MPHOSPH9: variants seen among roughly 807,000 people sequenced by gnomAD.
The protein encoded by MPHOSPH9 is M-phase phosphoprotein 9.
A neutral mutation model predicts 145.5 loss-of-function variants in MPHOSPH9; 88 were observed. The observed-to-expected ratio is 0.60, with a 90% CI of 0.51 to 0.72. The LOEUF (loss-of-function observed/expected upper bound fraction) is 0.72. MPHOSPH9 is among the 30% of genes least tolerant of loss of function. The probability of loss-of-function intolerance (pLI) is 0.00; values close to 1 mark genes in which losing one functional copy is unlikely to be tolerated. For synonymous variants in MPHOSPH9, 435 were observed against 486.2 expected, an observed-to-expected ratio of 0.89 and a Z score of 1.39; for missense variants, 1,238 against 1,386.6, an observed-to-expected ratio of 0.89 and a Z score of 1.70.
intron 13 of MPHOSPH9, among the ~76,000 whole-genome samples, chr12:123,185,930 G>A (rs1350759422): frequency 6.6e-6 from 1 of 151,822 alleles, no homozygotes; most frequent in East Asian, 1.9e-4. Context: ...AGTACATTGA[G>A]ATTACACAGG....
At chr12:123,234,126 T>C (rs1390369132), upstream of MPHOSPH9, among the ~76,000 whole-genome samples, 2 of 151,944 alleles carry the variant, frequency 1.3e-5, no homozygotes, top group Non-Finnish European at 2.9e-5. Flanking sequence ...GGGAACTCGC[T>C]CTCCTCCCCG....
rs370653679 is a variant in MPHOSPH9, at chr12:123,194,624, A to ATTTT, written c.2026-27_2026-24dup. On this transcript the variant is annotated intron_variant, in intron 12 of 23. Coordinates refer to ENST00000606320, the MANE Select transcript of MPHOSPH9 (RefSeq NM_022782.4). The stretch of plus-strand genomic sequence containing the variant: ...ATTCTATAAAACAAAGACAAACATA[A>ATTTT]TTTTTTTTTTTTTTTGAGATGGAGT... 3,369 of 1,235,704 alleles carry ATTTT rather than the reference A, an allele frequency of 2.7e-3. 1 individual carries two copies. Among genetic ancestry groups the ATTTT allele is most frequent in the Non-Finnish European group, 3.2e-3 (2,945 of 929,460 alleles). 76.5% of individuals were successfully genotyped at this position (1,235,704 alleles called of 1,614,324 possible). A position where few individuals can be genotyped will look rare whatever the true frequency, so the allele number is the denominator to read the frequency against.
chr12:123,204,685 G>A (rs550846695), intron 8 of MPHOSPH9, among the ~76,000 whole-genome samples: 1 of 152,174 alleles, frequency 6.6e-6, no homozygotes, highest in Non-Finnish European at 1.5e-5. Flanking sequence ...GACCAGCCTG[G>A]CTAATATGGT....
chr12:123,231,848 G>A (rs1412787905), intron 1 of MPHOSPH9, among the ~76,000 whole-genome samples: 1 of 151,032 alleles, frequency 6.6e-6, no homozygotes, highest in Non-Finnish European at 1.5e-5. Flanking sequence ...GAGCAAGGGA[G>A]CAAGAGGAAA....
At chr12:123,221,004 G>A (rs931791093) in intron 5 of MPHOSPH9, among the ~76,000 whole-genome samples, 1 of 152,120 alleles carries the variant, frequency 6.6e-6, no homozygotes, top group Non-Finnish European at 1.5e-5. Context: ...GCAGTGAGCC[G>A]AGATTGCGCC....
In MPHOSPH9 at chr12:123,166,684, A is replaced by G; in HGVS notation, c.2562T>C (p.Asp854=). The part of the protein sequence containing the change: ...QPLDTQDSNV[D]NQLEETCSLG... ...GGCTACAGGTTTCCTCCAGCTGGTT[A>G]TCCACGTTACTGTCCTGGGTGTCCA... is the stretch of plus-strand genomic sequence containing the variant. Residue 854 remains aspartate, a synonymous_variant, in exon 17 of 24, where the codon GAT becomes GAC. Transcript: ENST00000606320. The G allele has an allele frequency of 6.2e-7, 1 of 1,613,832 alleles. No homozygotes were observed. Among genetic ancestry groups the G allele is most frequent in the Non-Finnish European group, 8.5e-7 (1 of 1,179,944 alleles).
At chr12:123,206,773 G>T (rs778663163) in intron 8 of MPHOSPH9, among the ~76,000 whole-genome samples, 2 of 151,806 alleles carry the variant, frequency 1.3e-5, no homozygotes, top group Non-Finnish European at 2.9e-5. Flanking sequence ...AATTAGCTGG[G>T]TATGGTAGTG....
Position 123,155,322 on chromosome 12 carries a change from G to C in MPHOSPH9, c.*1485C>G, listed in dbSNP as rs61187102. The C allele has an allele frequency of 0.047, 7,183 of 152,326 alleles. 295 individuals carry two copies. Among genetic ancestry groups the C allele is most frequent in the East Asian group, 0.25 (1,310 of 5,176 alleles). 9.4% of individuals were successfully genotyped at this position (152,326 alleles called of 1,614,324 possible). A position where few individuals can be genotyped will look rare whatever the true frequency, so the allele number is the denominator to read the frequency against. On this transcript the variant is annotated 3_prime_UTR_variant, in exon 24 of 24. Transcript: ENST00000606320. ...CAAAAGTTGCAGAGTAGGGAGCAAA[G>C]GTTCAACTGCACTGTCAGACAGGCC...
Position 123,206,609 on chromosome 12 carries a change from G to A in MPHOSPH9, c.1195-3234C>T, listed in dbSNP as rs116358461. ...TTTCACTTATGTTTTCCTTTTTAAAGTATGCATAAGAGTTATATAATAAGC... is the reference window on the plus strand; with the variant it reads ...TTTCACTTATGTTTTCCTTTTTAAAATATGCATAAGAGTTATATAATAAGC... On this transcript the variant is annotated intron_variant, in intron 8 of 23. Coordinates refer to ENST00000606320, the MANE Select transcript of MPHOSPH9 (RefSeq NM_022782.4). Among the ~76,000 whole-genome samples the A allele has an allele frequency of 4.8e-3, 723 of 151,818 alleles. 10 individuals carry two copies. The highest frequency in any genetic ancestry group is 0.017 in the African/African-American group (703 of 41,416).
chr12:123,157,767 A>T (rs1322231053), intron 23 of MPHOSPH9, among the ~76,000 whole-genome samples: 1 of 151,866 alleles, frequency 6.6e-6, no homozygotes, highest in African/African-American at 2.4e-5. Flanking sequence ...GATTATAGGC[A>T]TAAGCCACTA....
intron 11 of MPHOSPH9, among the ~76,000 whole-genome samples, chr12:123,200,651 A>AT (rs1373338003): frequency 0.021 from 2,854 of 134,216 alleles, 58 homozygotes; most frequent in Middle Eastern, 0.12. Context: ...TCATCTTTGC[A>AT]TTTTTTTTTT....
At chr12:123,177,467 C>T (rs1416956535) in intron 15 of MPHOSPH9, among the ~76,000 whole-genome samples, 4 of 151,706 alleles carry the variant, frequency 2.6e-5, no homozygotes, top group East Asian at 1.9e-4. Flanking sequence ...ACCCGGGAGG[C>T]GGAGGTTGCA....
intron 3 of MPHOSPH9, among the ~76,000 whole-genome samples, chr12:123,226,840 T>C (rs1271044185): frequency 6.6e-6 from 1 of 152,198 alleles, no homozygotes; most frequent in African/African-American, 2.4e-5. Flanking sequence ...TCTCGCTATC[T>C]TGCCCAGGCT....
At chr12:123,176,830 C>T (rs1020530373) in intron 15 of MPHOSPH9, 41 bp from the exon 16 acceptor site, 6 of 1,447,352 alleles carry the variant, frequency 4.1e-6, no homozygotes, top group Non-Finnish European at 5.8e-6. Flanking sequence ...TACATTTCAA[C>T]AAATGTAAAA....
Position 123,198,271 on chromosome 12 carries a change from C to T in MPHOSPH9, c.2001G>A (p.Lys667=), listed in dbSNP as rs1458448208. 7 of 1,611,076 alleles carry T rather than the reference C, an allele frequency of 4.3e-6. No homozygotes were observed. The highest frequency in any genetic ancestry group is 3.4e-5 in the Admixed American group (2 of 59,694). ...ATSRVRTLEN[K]NNLLEIEVND... is the part of the protein sequence containing the mutation. ...CCACTTCAATTTCCAGTAAGTTATT[C>T]TTATTTTCAAGTGTTCTCACGCGAC... Residue 667 remains lysine, a synonymous_variant, in exon 12 of 24, where the codon AAG becomes AAA. Transcript: ENST00000606320.
chr12:123,174,202 G>A (rs1480665923), intron 16 of MPHOSPH9, among the ~76,000 whole-genome samples: 1 of 152,110 alleles, frequency 6.6e-6, no homozygotes, highest in Non-Finnish European at 1.5e-5. Flanking sequence ...CTCAATACCG[G>A]TGGCTGCTTG....
intron 16 of MPHOSPH9, among the ~76,000 whole-genome samples, chr12:123,174,084 G>C (rs544611534): frequency 1.3e-5 from 2 of 152,164 alleles, no homozygotes; most frequent in African/African-American, 4.8e-5. Flanking sequence ...CTGATTGCTC[G>C]CTTGCTGGTG....
intron 15 of MPHOSPH9, among the ~76,000 whole-genome samples, chr12:123,179,715 T>TA (rs2045037294): frequency 1.9e-5 from 2 of 104,986 alleles, no homozygotes. Flanking sequence ...CCCTGTCTCT[T>TA]TAAAAAAAAA....
In MPHOSPH9 at chr12:123,203,386, C is replaced by A; in HGVS notation, c.1195-11G>T. 3 of 1,563,800 alleles carry A rather than the reference C, an allele frequency of 1.9e-6. No homozygotes were observed. The highest frequency in any genetic ancestry group is 2.6e-6 in the Non-Finnish European group (3 of 1,152,490). ...ATTACTAGTATTAGACTTAAAGATACGAAACAAAATTAAATGGTGTTATCA... is the reference window on the plus strand; with the variant it reads ...ATTACTAGTATTAGACTTAAAGATAAGAAACAAAATTAAATGGTGTTATCA... On this transcript the variant is annotated splice_polypyrimidine_tract_variant and intron_variant, in intron 8 of 23. Coordinates refer to ENST00000606320, the MANE Select transcript of MPHOSPH9 (RefSeq NM_022782.4).
Sources: gnomAD v4.1 joint callset for allele counts (sites outside exome capture counted in the v4.1 genomes callset) on GRCh38, gnomAD v4.1.1 for gene constraint, MANE v1.5 for transcripts, NCBI Gene and HGNC (gene_info 2026-07-23, HGNC 2026-07-21) for gene names.